Variants in RPH3A observed in about 807,000 individuals in gnomAD.
The protein encoded by RPH3A is rabphilin-3A.
In RPH3A, 48 loss-of-function variants were observed where a neutral mutation model predicts 102.2. That is an observed-to-expected ratio of 0.47 (90% CI 0.37 to 0.60). RPH3A has a LOEUF of 0.60. Ranked by LOEUF, RPH3A falls within the 20% of genes least tolerant of loss-of-function variation. The probability of loss-of-function intolerance (pLI) is 0.00; values close to 1 mark genes in which losing one functional copy is unlikely to be tolerated. For missense variants in RPH3A, 781 were observed against 910.1 expected (o/e 0.86, Z 1.83); for synonymous variants, 310 against 324.3 (o/e 0.96, Z 0.47).
At chr12:112,737,569 C>T (rs985468125) in intron 1 of RPH3A, among the ~76,000 whole-genome samples, 3 of 152,178 alleles carry the variant, frequency 2.0e-5, no homozygotes, top group African/African-American at 7.2e-5. Context: ...CTTCCCATTT[C>T]AATCCCAGAC....
At chr12:112,878,725 G>A (rs1271177463) in intron 13 of RPH3A, among the ~76,000 whole-genome samples, 1 of 152,246 alleles carries the variant, frequency 6.6e-6, no homozygotes, top group African/African-American at 2.4e-5. Flanking sequence ...TCTAGAGGGA[G>A]AGCATTCCAG....
intron 13 of RPH3A, among the ~76,000 whole-genome samples, chr12:112,877,248 A>T (rs2042818439): frequency 6.6e-6 from 1 of 152,174 alleles, no homozygotes; most frequent in Non-Finnish European, 1.5e-5. Context: ...TGTGAATTTT[A>T]ACAATTTTTA....
Position 112,767,492 on chromosome 12 carries a change from T to C in RPH3A, c.-139-24651T>C, listed in dbSNP as rs146340854. Among the ~76,000 whole-genome samples, 855 of 152,280 alleles carry C rather than the reference T, an allele frequency of 5.6e-3. 7 individuals are homozygous for C. Among genetic ancestry groups the C allele is most frequent in the African/African-American group, 0.019 (806 of 41,558 alleles). On this transcript the variant is annotated intron_variant, in intron 1 of 21. Transcript: ENST00000543106. ...TCTCAGACACAGCTCTGCCTGACTC[T>C]GTATGAAATCAGGGCCTCCGTTTCC...
At chr12:112,873,940 C>A (rs544944773) in intron 10 of RPH3A, 1 of 152,338 alleles carries the variant, frequency 6.6e-6, no homozygotes. Context: ...GGTAGACACC[C>A]ACTGGATGCT....
In RPH3A at chr12:112,896,606, C is replaced by G. The variant is rs781192883; in HGVS notation, c.1955-44C>G. On this transcript the variant is annotated intron_variant, in intron 21 of 21. Coordinates refer to ENST00000389385, the MANE Select transcript of RPH3A (RefSeq NM_001143854.2). ...ACTACACATTTGGGTCTAGAACGAC[C>G]TCTATTCTGACCACCTGCTCCTATC... 5.0e-6 allele frequency: 8 copies of G among 1,612,042 alleles called. No homozygotes were observed. In the East Asian group the frequency reaches 1.6e-4, roughly 31 times the overall value.
intron 1 of RPH3A, among the ~76,000 whole-genome samples, chr12:112,743,282 G>A (rs2040722741): frequency 6.6e-6 from 1 of 152,204 alleles, no homozygotes; most frequent in South Asian, 2.1e-4. Flanking sequence ...GAACACTCCA[G>A]GCTCCGCATT....
chr12:112,860,719 G>T (rs2042495761), intron 5 of RPH3A, among the ~76,000 whole-genome samples: 1 of 152,236 alleles, frequency 6.6e-6, no homozygotes, highest in Non-Finnish European at 1.5e-5. Context: ...CAGAGAACTA[G>T]ATTCTAGCTG....
At chr12:112,581,523 G>C (rs1046622574) in intron 1 of RPH3A, among the ~76,000 whole-genome samples, 1 of 152,144 alleles carries the variant, frequency 6.6e-6, no homozygotes, top group Non-Finnish European at 1.5e-5. Flanking sequence ...GAAATGAGCA[G>C]GTCCACAAAT....
At chr12:112,734,081 T>C (rs1933519724) in intron 1 of RPH3A, among the ~76,000 whole-genome samples, 1 of 152,206 alleles carries the variant, frequency 6.6e-6, no homozygotes, top group Non-Finnish European at 1.5e-5. Context: ...GGGAAGTCAC[T>C]TGCCCAAGTA....
At position 112,875,103 on chromosome 12, in the gene RPH3A, A is replaced by T. The variant is rs1477788631; in HGVS notation, c.816A>T (p.Ser272=). ...RSPAGLRRAN[S]VQASRPAPGS... Reference sequence around the variant, plus strand: ...CTGCAGGTTTGAGACGGGCCAACTCAGTCCAGGCCTCCAGACCTGCCCCAG... The same window carrying T: ...CTGCAGGTTTGAGACGGGCCAACTCTGTCCAGGCCTCCAGACCTGCCCCAG... The change falls in exon 11 of 22, where the codon TCA becomes TCT. Residue 272 remains serine (S), a synonymous_variant. Transcript: ENST00000389385. The T allele has an allele frequency of 1.2e-6, 2 of 1,609,832 alleles. No homozygotes were observed. The highest frequency in any genetic ancestry group is 1.7e-6 in the Non-Finnish European group (2 of 1,178,582).
chr12:112,814,920 C>T (rs1315151744), intron 2 of RPH3A, among the ~76,000 whole-genome samples: 2 of 152,212 alleles, frequency 1.3e-5, no homozygotes, highest in Non-Finnish European at 2.9e-5. Context: ...TGCTGGGACT[C>T]CAAGTGTGGC....
intron 1 of RPH3A, among the ~76,000 whole-genome samples, chr12:112,691,111 G>A (rs986514692): frequency 8.6e-5 from 13 of 151,826 alleles, no homozygotes; most frequent in Admixed American, 2.0e-4. Context: ...AGCAAGCTCC[G>A]CCTCCCGGGT....
rs894907087 is a variant in RPH3A, at chr12:112,742,585, G to A, written c.-139-49558G>A. 3.3e-5 allele frequency among the ~76,000 whole-genome samples: 5 copies of A among 152,240 alleles called. No homozygotes were observed. The South Asian group carries it at 6.2e-4, about 19-fold the overall frequency. On this transcript the variant is annotated intron_variant, in intron 1 of 21. Coordinates refer to the RPH3A transcript ENST00000543106. ...GAGAATTTAACTCAGGGCTGTTTTC[G>A]AAACAATGAATACAGTCCAGGGAAA...
intron 1 of RPH3A, among the ~76,000 whole-genome samples, chr12:112,595,583 A>G (rs569840182): frequency 1.1e-4 from 16 of 152,254 alleles, no homozygotes; most frequent in Non-Finnish European, 2.1e-4. Context: ...TTGGTGGAGA[A>G]GTTCACCCAC....
chr12:112,599,242 C>T (rs1264773828), intron 1 of RPH3A, among the ~76,000 whole-genome samples: 1 of 152,200 alleles, frequency 6.6e-6, no homozygotes, highest in Non-Finnish European at 1.5e-5. Context: ...CACCACGAGG[C>T]TCAGTGCTGG....
intron 5 of RPH3A, among the ~76,000 whole-genome samples, chr12:112,852,061 T>G (rs2042332277): frequency 6.6e-6 from 1 of 152,232 alleles, no homozygotes; most frequent in Admixed American, 6.5e-5. Flanking sequence ...TCAGGGGACG[T>G]GGGCTAGGTT....
At chr12:112,818,332 G>A (rs906729501) in intron 2 of RPH3A, among the ~76,000 whole-genome samples, 20 of 133,154 alleles carry the variant, frequency 1.5e-4, no homozygotes, top group East Asian at 2.1e-4. Flanking sequence ...AAAAAAAAAA[G>A]AAGGGTGGAG....
At chr12:112,742,220 T>C (rs959035152) in intron 1 of RPH3A, among the ~76,000 whole-genome samples, 3 of 152,198 alleles carry the variant, frequency 2.0e-5, no homozygotes, top group Non-Finnish European at 2.9e-5. Context: ...CATGTTGCCA[T>C]GATAGATGTC....
At chr12:112,594,785 GATAAT>G (rs1319542669) in intron 1 of RPH3A, among the ~76,000 whole-genome samples, 4 of 152,164 alleles carry the variant, frequency 2.6e-5, no homozygotes, top group Non-Finnish European at 4.4e-5. Context: ...TATCCTCATG[GATAAT>G]ATAATGCTAC....
Sources: allele counts gnomAD v4.1 joint callset (sites outside exome capture counted in the v4.1 genomes callset), GRCh38; gene constraint gnomAD v4.1.1; transcripts MANE v1.5; gene names NCBI Gene and HGNC (gene_info 2026-07-23, HGNC 2026-07-21).